PAIP1: variants seen among roughly 807,000 people sequenced by gnomAD.
PAIP1 encodes the protein polyadenylate-binding protein-interacting protein 1.
In PAIP1, 16 loss-of-function variants were observed where a neutral mutation model predicts 61.3. The observed-to-expected ratio is 0.26, with a 90% confidence interval of 0.18 to 0.40. PAIP1 has a LOEUF of 0.40. PAIP1 is among the 10% of genes least tolerant of loss of function. The pLI, the probability that PAIP1 is intolerant of heterozygous loss-of-function variation, is 1.00. For synonymous variants in PAIP1, 187 were observed against 226.2 expected, an observed-to-expected ratio of 0.83 and a Z score of 1.56; for missense variants, 416 against 600.9, an observed-to-expected ratio of 0.69 and a Z score of 3.22.
intron 1 of PAIP1, 190 bp downstream of exon 1, chr5:43,556,392 A>C: frequency 8.1e-7 from 1 of 1,233,134 alleles, no homozygotes; most frequent in South Asian, 4.1e-5. Context: ...AGGCGCACAA[A>C]GGATTCCAGC....
At chr5:43,529,209 T>C (rs1746836563) in intron 10 of PAIP1, among the ~76,000 whole-genome samples, 1 of 151,800 alleles carries the variant, frequency 6.6e-6, no homozygotes, top group South Asian at 2.1e-4. Flanking sequence ...GCCCAAGATC[T>C]TACAGTAAGT....
chr5:43,552,626 C>T (rs1747907448), intron 2 of PAIP1, among the ~76,000 whole-genome samples: 1 of 151,974 alleles, frequency 6.6e-6, no homozygotes, highest in Non-Finnish European at 1.5e-5. Context: ...ACAAATGCTA[C>T]AGAATAAATT....
intron 9 of PAIP1, among the ~76,000 whole-genome samples, chr5:43,532,157 A>G (rs1479593245): frequency 6.6e-6 from 1 of 152,212 alleles, no homozygotes; most frequent in Non-Finnish European, 1.5e-5. Context: ...GAATTTCTGT[A>G]AATCGAACAG....
At position 43,531,830 on chromosome 5, in the gene PAIP1, C is replaced by T. The variant is rs574985376; in HGVS notation, c.1252+1908G>A. Reference sequence around the variant, plus strand: ...ATCATTTCCAAATAAAAGTTTAAGACGGTTAAGGCAAAAATTTTATGTGTG... The same window carrying T: ...ATCATTTCCAAATAAAAGTTTAAGATGGTTAAGGCAAAAATTTTATGTGTG... On this transcript the variant is annotated intron_variant, in intron 9 of 10. Transcript: ENST00000306846. Among the ~76,000 whole-genome samples, 175 of 151,658 alleles carry T rather than the reference C, an allele frequency of 1.2e-3. 1 individual carries two copies. Among genetic ancestry groups the T allele is most frequent in the Non-Finnish European group, 2.3e-3 (155 of 67,906 alleles).
intron 3 of PAIP1, among the ~76,000 whole-genome samples, 178 bp downstream of exon 3, chr5:43,547,550 A>C (rs948581345): frequency 1.3e-5 from 2 of 152,180 alleles, no homozygotes; most frequent in Admixed American, 1.3e-4. Context: ...GTCTGGCTCT[A>C]CCCTTGGATC....
rs759399679 is a variant in PAIP1, at chr5:43,539,023, T to C, written c.747A>G (p.Glu249=). The change falls in exon 5 of 11, where the codon GAA becomes GAG. Residue 249 remains glutamate, a synonymous_variant. Transcript: ENST00000306846. ...TTGCAGCTTGATCTTTAACTTCATA[T>C]TCAGTCCGACATCTAATTAAAGACA... The part of the protein sequence containing the change: ...RQLLLQRCRT[E]YEVKDQAAKG... 4 of 1,595,486 alleles carry C rather than the reference T, an allele frequency of 2.5e-6. No individual in the cohort carries two copies. Among genetic ancestry groups the C allele is most frequent in the Non-Finnish European group, 8.6e-7 (1 of 1,163,306 alleles).
At chr5:43,544,899 C>T (rs1241388633) in intron 3 of PAIP1, among the ~76,000 whole-genome samples, 1 of 152,188 alleles carries the variant, frequency 6.6e-6, no homozygotes, top group Non-Finnish European at 1.5e-5. Flanking sequence ...AAATCTCAAG[C>T]ATTTCAGATA....
In PAIP1 at chr5:43,556,569, A is replaced by G; in HGVS notation, c.265+13T>C. On this transcript the variant is annotated intron_variant, in intron 1 of 10. Coordinates refer to ENST00000306846, the MANE Select transcript of PAIP1 (RefSeq NM_006451.5). Reference sequence around the variant, plus strand: ...CGCCAAGGAGGACTGGGGCCCTTAGAGCTGCTCCGTACCTGGGAGCGCCCC... The same window carrying G: ...CGCCAAGGAGGACTGGGGCCCTTAGGGCTGCTCCGTACCTGGGAGCGCCCC... 3.2e-6 allele frequency: 4 copies of G among 1,252,064 alleles called. No individual in the cohort carries two copies. Among genetic ancestry groups the G allele is most frequent in the Non-Finnish European group, 3.0e-6 (3 of 993,598 alleles). The allele number at this position is 1,252,064 out of a possible 1,614,324, so 77.6% of individuals were successfully genotyped here.
intron 2 of PAIP1, among the ~76,000 whole-genome samples, chr5:43,548,247 G>C (rs1242407731): frequency 6.6e-6 from 1 of 152,126 alleles, no homozygotes; most frequent in African/African-American, 2.4e-5. Flanking sequence ...AATGAAATAA[G>C]ATCTAGGATT....
At chr5:43,556,368 C>T in intron 1 of PAIP1, 1 of 1,234,364 alleles carries the variant, frequency 8.1e-7, no homozygotes, top group Non-Finnish European at 1.0e-6. Context: ...CGCACCCGGC[C>T]CCTCCCCCCA....
intron 2 of PAIP1, among the ~76,000 whole-genome samples, chr5:43,552,082 C>A (rs908690928): frequency 6.6e-5 from 10 of 152,042 alleles, no homozygotes; most frequent in African/African-American, 2.4e-4. Context: ...AGAAAATGTA[C>A]TTTTTCATGG....
At chr5:43,534,816 G>A (rs1027844538) in intron 8 of PAIP1, 37 bp downstream of exon 8, 13 of 1,092,614 alleles carry the variant, frequency 1.2e-5, no homozygotes, top group Non-Finnish European at 1.7e-5. Flanking sequence ...CGGAATTCAA[G>A]CAATAAGTAA....
chr5:43,550,467 G>A (rs1479381155), intron 2 of PAIP1, among the ~76,000 whole-genome samples: 4 of 152,046 alleles, frequency 2.6e-5, no homozygotes, highest in Non-Finnish European at 5.9e-5. Context: ...CAAAATGAAT[G>A]ATAAAAAGCT....
At chr5:43,543,970 C>T (rs1354129411) in intron 3 of PAIP1, among the ~76,000 whole-genome samples, 1 of 151,786 alleles carries the variant, frequency 6.6e-6, no homozygotes. Context: ...AGTGTGACCA[C>T]CATCTCTATA....
At chr5:43,556,127 TG>T in intron 1 of PAIP1, 128 bp from the exon 2 acceptor site, 2 of 1,453,038 alleles carry the variant, frequency 1.4e-6, no homozygotes, top group Admixed American at 2.4e-5. Flanking sequence ...ATGAAATTTA[TG>T]GTTATCGCCG....
chr5:43,546,649 C>T (rs556850996), intron 3 of PAIP1, among the ~76,000 whole-genome samples: 17 of 152,244 alleles, frequency 1.1e-4, no homozygotes, highest in African/African-American at 4.1e-4. Context: ...CTAAAGTTTA[C>T]ATTTCTGATC....
chr5:43,539,306 C>G (rs977044999), intron 4 of PAIP1, among the ~76,000 whole-genome samples: 1 of 152,032 alleles, frequency 6.6e-6, no homozygotes, highest in Non-Finnish European at 1.5e-5. Flanking sequence ...TAGGTGTAAT[C>G]TGATTCACAG....
In PAIP1 at chr5:43,536,834, T is replaced by C. The variant is rs146783490; in HGVS notation, c.957A>G (p.Ala319=). 4.0e-6 allele frequency: 6 copies of C among 1,512,816 alleles called. No individual in the cohort carries two copies. The highest frequency in any genetic ancestry group is 1.4e-5 in the African/African-American group (1 of 70,858). The allele number at this position is 1,512,816 out of a possible 1,614,324, so 93.7% of individuals were successfully genotyped here. Residue 319 remains alanine (A), a synonymous_variant, in exon 6 of 11, where the codon GCA becomes GCG. Transcript: ENST00000306846. ...SNPMDDNLIC[A]VKLLKLTGSV... is the part of the protein sequence containing the mutation. The stretch of plus-strand genomic sequence containing the variant: ...AAAAACCTACCTTTAACAATTTTAC[T>C]GCACAAATTAAATTGTCATCCATAG...
chr5:43,532,648 TACATG>T (rs1213337575), intron 9 of PAIP1, among the ~76,000 whole-genome samples: 1 of 152,162 alleles, frequency 6.6e-6, no homozygotes, highest in African/African-American at 2.4e-5. Context: ...TCAAAGGTTC[TACATG>T]ACATTATAAA....
Sources: gnomAD v4.1 joint callset for allele counts (sites outside exome capture counted in the v4.1 genomes callset) on GRCh38, gnomAD v4.1.1 for gene constraint, MANE v1.5 for transcripts, NCBI Gene and HGNC (gene_info 2026-07-23, HGNC 2026-07-21) for gene names.